RSU1: variants seen among roughly 807,000 people sequenced by gnomAD.
RSU1 encodes the protein rsu-1.
Under a neutral mutation model 31.1 loss-of-function variants are expected in RSU1, and 26 were observed. That is an observed-to-expected ratio of 0.84 (90% CI 0.61 to 1.16). The LOEUF (loss-of-function observed/expected upper bound fraction) is 1.16, where lower values mean the gene tolerates loss of function less well. RSU1 is among the 50% of genes most tolerant of loss of function. The probability of loss-of-function intolerance (pLI) is 0.00; values close to 1 mark genes in which losing one functional copy is unlikely to be tolerated. For synonymous variants in RSU1, 164 were observed against 136.3 expected (o/e 1.20, Z -1.41); for missense variants, 320 against 339.1 (o/e 0.94, Z 0.44).
chr10:16,728,861 A>G (rs560269304), intron 7 of RSU1, among the ~76,000 whole-genome samples: 93 of 152,356 alleles, frequency 6.1e-4, no homozygotes, highest in Non-Finnish European at 1.0e-3. Context: ...ACTCACTAGA[A>G]GCTGAGAAAG....
chr10:16,772,942 C>T (rs1258424426), intron 3 of RSU1, among the ~76,000 whole-genome samples: 19 of 152,128 alleles, frequency 1.2e-4, no homozygotes, highest in Admixed American at 5.2e-4. Context: ...AGCAGTGGCT[C>T]ACACCTGTAA....
intron 2 of RSU1, among the ~76,000 whole-genome samples, chr10:16,814,144 T>C (rs1158176392): frequency 6.6e-6 from 1 of 152,126 alleles, no homozygotes; most frequent in East Asian, 1.9e-4. Context: ...AGTTTATCAG[T>C]AAAGAAACAT....
intron 8 of RSU1, among the ~76,000 whole-genome samples, chr10:16,655,150 T>C (rs1056128616): frequency 6.6e-6 from 1 of 151,598 alleles, no homozygotes; most frequent in African/African-American, 2.4e-5. Context: ...AATTAGTCAA[T>C]AGATATTTAA....
intron 2 of RSU1, among the ~76,000 whole-genome samples, chr10:16,806,687 TACAA>T (rs965282438): frequency 6.6e-6 from 1 of 152,218 alleles, no homozygotes; most frequent in Non-Finnish European, 1.5e-5. Context: ...CGTTGTAGAA[TACAA>T]ACATATAATA....
At chr10:16,673,240 T>TACTC (rs35861019) in intron 8 of RSU1, among the ~76,000 whole-genome samples, 41,867 of 152,028 alleles carry the variant, frequency 0.28, 5,897 homozygotes, top group South Asian at 0.33. Flanking sequence ...AGCGCTGTGA[T>TACTC]ACTGTGGTTC....
intron 2 of RSU1, among the ~76,000 whole-genome samples, chr10:16,808,415 C>A (rs373628211): frequency 7.1e-6 from 1 of 141,390 alleles, no homozygotes; most frequent in Non-Finnish European, 1.5e-5. Context: ...ACCTGGGAGG[C>A]GGAGGCTGCA....
chr10:16,774,902 G>C (rs1326491126), intron 3 of RSU1, among the ~76,000 whole-genome samples: 6 of 151,924 alleles, frequency 3.9e-5, no homozygotes, highest in Non-Finnish European at 8.8e-5. Context: ...CCAGGAGTTT[G>C]AGTCCAGCCT....
chr10:16,785,997 G>A (rs1349199750), intron 2 of RSU1, among the ~76,000 whole-genome samples: 1 of 152,242 alleles, frequency 6.6e-6, no homozygotes, highest in South Asian at 2.1e-4. Context: ...ATCTGACAAT[G>A]TCTGGAGACA....
Position 16,637,899 on chromosome 10 carries a change from C to T in RSU1, c.732-44403G>A, listed in dbSNP as rs530489566. Among the ~76,000 whole-genome samples, 9 of 152,126 alleles carry T rather than the reference C, an allele frequency of 5.9e-5. No homozygotes were observed. The South Asian group carries it at 8.3e-4, about 14-fold the overall frequency. On this transcript the variant is annotated intron_variant, in intron 8 of 8. Coordinates refer to ENST00000345264, the MANE Select transcript of RSU1 (RefSeq NM_012425.4). ...ATAAAGGAACACAAAGAACAGTACC[C>T]GCATCCCTAGACTCTGAACAATTAA... is the stretch of plus-strand genomic sequence containing the variant.
chr10:16,755,042 A>G (rs190578333), intron 4 of RSU1, 53 bp from the exon 5 acceptor site: 2 of 1,045,688 alleles, frequency 1.9e-6, no homozygotes, highest in East Asian at 2.4e-5. Context: ...ACATTCATAC[A>G]GACTATCAAG....
chr10:16,787,267 G>T (rs886476905), intron 2 of RSU1, among the ~76,000 whole-genome samples: 3 of 152,054 alleles, frequency 2.0e-5, no homozygotes, highest in African/African-American at 7.3e-5. Flanking sequence ...GTGGAATCTT[G>T]CGAGCCCTTT....
At chr10:16,807,504 CGGT>C (rs1380450675) in intron 2 of RSU1, among the ~76,000 whole-genome samples, 1 of 152,054 alleles carries the variant, frequency 6.6e-6, no homozygotes, top group African/African-American at 2.4e-5. Flanking sequence ...AATTAACATA[CGGT>C]ATACAAAGAT....
chr10:16,609,850 T>C (rs761356179), intron 8 of RSU1, among the ~76,000 whole-genome samples: 1 of 152,238 alleles, frequency 6.6e-6, no homozygotes, highest in Non-Finnish European at 1.5e-5. Context: ...GTTTCTAAAA[T>C]CTTCTTAAAC....
At chr10:16,772,641 G>GAAAAAAAA (rs60460081) in intron 3 of RSU1, among the ~76,000 whole-genome samples, 96 of 64,690 alleles carry the variant, frequency 1.5e-3, no homozygotes, top group African/African-American at 4.3e-3. Context: ...AGTAGAATAT[G>GAAAAAAAA]AAAAAAAAAA....
intron 7 of RSU1, among the ~76,000 whole-genome samples, chr10:16,722,815 T>C (rs1326926550): frequency 6.6e-6 from 1 of 150,770 alleles, no homozygotes; most frequent in Non-Finnish European, 1.5e-5. Flanking sequence ...TATACACATA[T>C]ATACATGTAT....
chr10:16,699,117 T>C (rs1835736850), intron 7 of RSU1, among the ~76,000 whole-genome samples: 1 of 152,172 alleles, frequency 6.6e-6, no homozygotes, highest in African/African-American at 2.4e-5. Context: ...TGGCAAACCT[T>C]AAAGGAGGAA....
At chr10:16,790,571 G>C (rs1033544717) in intron 2 of RSU1, among the ~76,000 whole-genome samples, 1 of 152,170 alleles carries the variant, frequency 6.6e-6, no homozygotes, top group Non-Finnish European at 1.5e-5. Context: ...ACGGGTGATG[G>C]AGTCAATCCC....
chr10:16,803,239 T>C (rs1838194558), intron 2 of RSU1, among the ~76,000 whole-genome samples: 1 of 152,104 alleles, frequency 6.6e-6, no homozygotes, highest in African/African-American at 2.4e-5. Context: ...GAATTTTACA[T>C]TAAAAACACA....
chr10:16,809,548 C>T (rs1432647303), intron 2 of RSU1, among the ~76,000 whole-genome samples: 2 of 152,088 alleles, frequency 1.3e-5, no homozygotes, highest in Admixed American at 6.6e-5. Context: ...TTGATCTAGA[C>T]CAAATGCTCC....
Sources: allele counts gnomAD v4.1 joint callset (sites outside exome capture counted in the v4.1 genomes callset), GRCh38; gene constraint gnomAD v4.1.1; transcripts MANE v1.5; gene names NCBI Gene and HGNC (gene_info 2026-07-23, HGNC 2026-07-21).